The following ARHGEF39 variants were observed in gnomAD, a reference collection of about 807,000 sequenced individuals.
ARHGEF39 encodes the protein Rho guanine nucleotide exchange factor (GEF) 39.
ARHGEF39 carries 45 observed loss-of-function variants against 47.5 expected under a neutral mutation model. The observed-to-expected ratio is 0.95, with a 90% CI of 0.75 to 1.22. The LOEUF (loss-of-function observed/expected upper bound fraction) is 1.22. Ranked by LOEUF, ARHGEF39 falls within the 50% of genes most tolerant of loss-of-function variation. The pLI is 0.00. For missense variants in ARHGEF39, 411 were observed against 425.3 expected, an observed-to-expected ratio of 0.97 and a Z score of 0.30; for synonymous variants, 164 against 167.8, an observed-to-expected ratio of 0.98 and a Z score of 0.17.
chr9:35,662,842 C>A, intron 6 of ARHGEF39, 101 bp from the exon 7 acceptor site: 13 of 1,552,154 alleles, frequency 8.4e-6, no homozygotes, highest in Non-Finnish European at 1.1e-5. Flanking sequence ...TGGGTCAGTA[C>A]AGGAAGAAGG....
Position 35,660,677 on chromosome 9 carries a change from T to G in ARHGEF39, c.*1310A>C, listed in dbSNP as rs41304745. ...GGAGAGCAATGATTCTGTGAATTTT[T>G]GGGGAATTTGTGGCAGGAGGGAGGA... On this transcript the variant is annotated 3_prime_UTR_variant, in exon 9 of 9. Coordinates refer to ENST00000378387, the MANE Select transcript of ARHGEF39 (RefSeq NM_032818.3). 3.0e-3 allele frequency: 4,893 copies of G among 1,614,052 alleles called. 13 individuals carry two copies. Among genetic ancestry groups the G allele is most frequent in the Non-Finnish European group, 3.5e-3 (4,099 of 1,179,968 alleles).
In ARHGEF39 at chr9:35,664,124, C is replaced by T. The variant is rs1263946497; in HGVS notation, c.357G>A (p.Glu119=). ...GGAAACCTTTATTTTTCTTTAGCTG[C>T]TCCTGGAGTGAGGGAGAAAGGATTG... is the stretch of plus-strand genomic sequence containing the variant. ...NSERSQTTLQ[E]QLKKNKGFRR... The change falls in exon 4 of 9, where the codon GAG becomes GAA. Residue 119 remains glutamate, a splice_region_variant and synonymous_variant. Transcript: ENST00000378387. 6 of 1,613,650 alleles carry T rather than the reference C, an allele frequency of 3.7e-6. No homozygotes were observed. In the South Asian group the frequency reaches 6.6e-5, roughly 18 times the overall value.
rs770962078 is a variant in ARHGEF39, at chr9:35,664,867, C to T, written c.139-17G>A. 8.7e-6 allele frequency: 14 copies of T among 1,604,626 alleles called. No individual in the cohort carries two copies. The African/African-American group carries it at 1.6e-4, about 18-fold the overall frequency. On this transcript the variant is annotated splice_polypyrimidine_tract_variant and intron_variant, in intron 1 of 8. Transcript: ENST00000378387. The stretch of plus-strand genomic sequence containing the variant: ...CAAAAAGTACTGCGGAAGGAGAGAA[C>T]ATTGGTTCTTAGCCTAGAGGAAGAG...
intron 6 of ARHGEF39, 44 bp from the exon 7 acceptor site, chr9:35,662,785 C>A (rs774320025): frequency 1.3e-6 from 2 of 1,532,254 alleles, no homozygotes; most frequent in South Asian, 2.4e-5. Context: ...CTTCAAGATA[C>A]ATGGGAATAA....
At chr9:35,664,999 T>G in intron 1 of ARHGEF39, 33 bp downstream of exon 1, 1 of 1,525,446 alleles carries the variant, frequency 6.6e-7, no homozygotes, top group Non-Finnish European at 8.8e-7. Context: ...GGGGTCCCTG[T>G]CCTATAATGG....
Position 35,665,120 on chromosome 9 carries a change from G to A in ARHGEF39, c.50C>T (p.Ala17Val). 6.5e-7 allele frequency: 1 copy of A among 1,547,578 alleles called. No individual in the cohort carries two copies. The highest frequency in any genetic ancestry group is 8.7e-7 in the Non-Finnish European group (1 of 1,146,166). ...GCAGGCGCGTTTCCGCTCCCAGCGG[G>A]CACGCTGCTCTTGCACCGGGCACCG... The part of the protein sequence containing the change: ...GSRCPVQEQR[A>V]RWERKRACTA... Residue 17 changes from alanine to valine, a missense_variant, in exon 1 of 9, where the codon GCC (alanine) becomes GTC (valine). Ala to Val is a moderately conservative substitution (Grantham distance 64). Coordinates refer to ENST00000378387, the MANE Select transcript of ARHGEF39 (RefSeq NM_032818.3).
rs1195879567 is a variant in ARHGEF39, at chr9:35,661,504, C to T, written c.*483G>A. The T allele has an allele frequency of 1.8e-5, 8 of 453,178 alleles. No homozygotes were observed. Among genetic ancestry groups the T allele is most frequent in the Non-Finnish European group, 3.1e-5 (8 of 259,038 alleles). 28.1% of individuals were successfully genotyped at this position (453,178 alleles called of 1,614,324 possible). On this transcript the variant is annotated 3_prime_UTR_variant, in exon 9 of 9. Coordinates refer to ENST00000378387, the MANE Select transcript of ARHGEF39 (RefSeq NM_032818.3). ...AATAAATGATAGAAACTATACACAACATAAAAATAGCCACATTTACAAAGC... is the reference window on the plus strand; with the variant it reads ...AATAAATGATAGAAACTATACACAATATAAAAATAGCCACATTTACAAAGC...
chr9:35,660,878 G>C lies in ARHGEF39; in HGVS notation c.*1109C>G, dbSNP rs1823897775. On this transcript the variant is annotated 3_prime_UTR_variant, in exon 9 of 9. Coordinates refer to ENST00000378387, the MANE Select transcript of ARHGEF39 (RefSeq NM_032818.3). The stretch of plus-strand genomic sequence containing the variant: ...AACCAGGTGAAGGCTCGGGAGGCGA[G>C]TCTGCTGGAGGTGGAGACAAAGTCT... The C allele has an allele frequency of 6.2e-7, 1 of 1,614,174 alleles. No individual in the cohort carries two copies. Among genetic ancestry groups the C allele is most frequent in the Non-Finnish European group, 8.5e-7 (1 of 1,180,048 alleles).
At chr9:35,664,515 A>C (rs757768118) in intron 2 of ARHGEF39, 23 bp from the exon 3 acceptor site, 12 of 1,584,380 alleles carry the variant, frequency 7.6e-6, no homozygotes, top group Admixed American at 1.9e-5. Flanking sequence ...GGACAGCAAA[A>C]GGGCAGCTCT....
In ARHGEF39 at chr9:35,663,013, CTTCTGT is replaced by C; in HGVS notation, c.600_605del (p.Gln201_Lys202del). 1 of 1,614,044 alleles carries C rather than the reference CTTCTGT, an allele frequency of 6.2e-7. No individual in the cohort carries two copies. Among genetic ancestry groups the C allele is most frequent in the South Asian group, 1.1e-5 (1 of 91,076 alleles). On this transcript the variant is annotated inframe_deletion, in exon 6 of 9. Coordinates refer to ENST00000378387, the MANE Select transcript of ARHGEF39 (RefSeq NM_032818.3). ...GGACACGCCGAAGGTGCTGGTCATT[CTTCTGT>C]TTCTGACCAATAGTATGGACTCTCT...
chr9:35,662,612 C>T lies in ARHGEF39; in HGVS notation c.803G>A (p.Arg268Gln), dbSNP rs759754037. 77 of 1,614,020 alleles carry T rather than the reference C, an allele frequency of 4.8e-5. No individual in the cohort carries two copies. The highest frequency in any genetic ancestry group is 8.9e-5 in the East Asian group (4 of 44,890). Residue 268 changes from arginine (R) to glutamine (Q), a missense_variant, in exon 7 of 9, where the codon CGG (arginine) becomes CAG (glutamine). Arg to Gln is a conservative substitution (Grantham distance 43). Coordinates refer to ENST00000378387, the MANE Select transcript of ARHGEF39 (RefSeq NM_032818.3). ...AKPRPPLHLLRSGTFACKALY... is the reference protein window; with the variant it reads ...AKPRPPLHLLQSGTFACKALY... ...GGCCTTGCAGGCAAAGGTGCCACTC[C>T]GCAGCAGGTGCAGTGGAGGCCGAGG...
chr9:35,663,329 C>T lies in ARHGEF39; in HGVS notation c.537G>A (p.Gln179=), dbSNP rs371922731. ...CGAGGAGCAAGAACCTACGTGTGAGCTGTTGATGGTCAGGGCTGTTGGGAC... is the reference window on the plus strand; with the variant it reads ...CGAGGAGCAAGAACCTACGTGTGAGTTGTTGATGGTCAGGGCTGTTGGGAC... The part of the protein sequence containing the change: ...NTGPNSPDHQ[Q]LTRAARLISE... The change falls in exon 5 of 9, where the codon CAG becomes CAA. Residue 179 remains glutamine (Q), a synonymous_variant. Coordinates refer to ENST00000378387, the MANE Select transcript of ARHGEF39 (RefSeq NM_032818.3). 2.3e-5 allele frequency: 37 copies of T among 1,613,882 alleles called. No homozygotes were observed. Among genetic ancestry groups the T allele is most frequent in the Non-Finnish European group, 3.1e-5 (37 of 1,179,898 alleles).
chr9:35,660,514 A>G lies in ARHGEF39; in HGVS notation c.*1473T>C. 6.2e-7 allele frequency: 1 copy of G among 1,613,332 alleles called. No homozygotes were observed. The highest frequency in any genetic ancestry group is 1.3e-5 in the African/African-American group (1 of 75,012). On this transcript the variant is annotated 3_prime_UTR_variant, in exon 9 of 9. Transcript: ENST00000378387. The stretch of plus-strand genomic sequence containing the variant: ...TCGGGGGAGTTTAGGGGACAGCAGA[A>G]GATACATAACCACTTCTGCCCCCTT...
rs777687798 is a variant in ARHGEF39, at chr9:35,662,678, CG to C, written c.736del (p.Arg246AlafsTer81). 1 of 1,595,394 alleles carries C rather than the reference CG, an allele frequency of 6.3e-7. No homozygotes were observed. Among genetic ancestry groups the C allele is most frequent in the Non-Finnish European group, 8.5e-7 (1 of 1,171,150 alleles). On this transcript the variant is annotated frameshift_variant, in exon 7 of 9. Coordinates refer to ENST00000378387, the MANE Select transcript of ARHGEF39 (RefSeq NM_032818.3). LOFTEE classifies it high-confidence loss of function. ...CACATCAGTGAAGAGGAAGAACATG[CG>C]GGGCCGAGGCTCCCCATGGGGAGGC... ...VVPPHGEPRP[R>X]MFFLFTDVLL...
In ARHGEF39 at chr9:35,660,651, A is replaced by T; in HGVS notation, c.*1336T>A. On this transcript the variant is annotated 3_prime_UTR_variant, in exon 9 of 9. Coordinates refer to ENST00000378387, the MANE Select transcript of ARHGEF39 (RefSeq NM_032818.3). The stretch of plus-strand genomic sequence containing the variant: ...AGCTGGACCCCCTTTTTGAGCGGTG[A>T]GGAGAGCAATGATTCTGTGAATTTT... The T allele has an allele frequency of 1.2e-6, 2 of 1,614,148 alleles. No individual in the cohort carries two copies. Among genetic ancestry groups the T allele is most frequent in the Non-Finnish European group, 1.7e-6 (2 of 1,180,006 alleles).
At chr9:35,664,895 G>C (rs1563917786) in intron 1 of ARHGEF39, 45 bp from the exon 2 acceptor site, 1 of 1,585,628 alleles carries the variant, frequency 6.3e-7, no homozygotes. Context: ...AGGAAGAGAA[G>C]GCTAACGCCA....
At chr9:35,663,436 C>A in intron 4 of ARHGEF39, 44 bp from the exon 5 acceptor site, 2 of 1,538,640 alleles carry the variant, frequency 1.3e-6, no homozygotes, top group Non-Finnish European at 1.8e-6. Context: ...CAGAGCCAGG[C>A]AGAATTCCCC....
At position 35,664,086 on chromosome 9, in the gene ARHGEF39, C is replaced by T. The variant is rs994417788; in HGVS notation, c.395G>A (p.Arg132Gln). The change falls in exon 4 of 9, where the codon CGG (arginine) becomes CAG (glutamine). Residue 132 changes from arginine (R) to glutamine (Q), a missense_variant. Arg to Gln is a conservative substitution (Grantham distance 43). Transcript: ENST00000378387. ...KKNKGFRRFV[R>Q]LQEGRPEFGG... is the part of the protein sequence containing the mutation. ...AAACTCAGGGCGGCCTTCCTGAAGC[C>T]GTACAAACCTCCGGAAACCTTTATT... The T allele has an allele frequency of 1.9e-6, 3 of 1,614,110 alleles. No homozygotes were observed. The highest frequency in any genetic ancestry group is 3.3e-5 in the Admixed American group (2 of 60,022).
chr9:35,664,901 C>G (rs765706651), intron 1 of ARHGEF39, 51 bp from the exon 2 acceptor site: 1 of 1,577,680 alleles, frequency 6.3e-7, no homozygotes, highest in African/African-American at 1.4e-5. Context: ...AGAAGGCTAA[C>G]GCCAAGCGCC....
Sources: allele counts gnomAD v4.1 joint callset, GRCh38; gene constraint gnomAD v4.1.1; transcripts MANE v1.5; gene names NCBI Gene and HGNC (gene_info 2026-07-23, HGNC 2026-07-21).